Variants in VWA8 observed in about 807,000 individuals in gnomAD.
VWA8 encodes von Willebrand factor A domain containing 8, also known as von Willebrand factor A domain-containing protein 8.
In VWA8, 221 loss-of-function variants were observed where a neutral mutation model predicts 241.5. That is an observed-to-expected ratio of 0.91 (90% CI 0.82 to 1.02). The LOEUF (loss-of-function observed/expected upper bound fraction) is 1.02. Among genes scored for constraint, VWA8 ranks in the 50% least tolerant of loss-of-function variants. VWA8 has a pLI of 0.00. For synonymous variants in VWA8, 852 were observed against 827.1 expected, an observed-to-expected ratio of 1.03 and a Z score of -0.52; for missense variants, 2,322 against 2,328.7, an observed-to-expected ratio of 1.00 and a Z score of 0.06.
intron 24 of VWA8, among the ~76,000 whole-genome samples, chr13:41,723,029 C>T (rs994887468): frequency 1.3e-5 from 2 of 152,170 alleles, no homozygotes; most frequent in African/African-American, 4.8e-5. Context: ...GACTACTGTG[C>T]TGTGAACACA....
rs1164382295 is a variant in VWA8 at position 41,671,248 on chromosome 13, C to G, written c.4410-101G>C. On this transcript the variant is annotated intron_variant, in intron 36 of 44. Transcript: ENST00000379310. ...TTCTTTACTGTTGAAAAAGTATGCTCACACTACTCATTATTTTATACCTGC... is the reference window on the plus strand; with the variant it reads ...TTCTTTACTGTTGAAAAAGTATGCTGACACTACTCATTATTTTATACCTGC... 6 of 1,257,228 alleles carry G rather than the reference C, an allele frequency of 4.8e-6. No homozygotes were observed. The Admixed American group carries it at 9.3e-5, about 19-fold the overall frequency. 77.9% of individuals were successfully genotyped at this position (1,257,228 alleles called of 1,614,324 possible). A position where few individuals can be genotyped will look rare whatever the true frequency, so the allele number is the denominator to read the frequency against.
At chr13:41,766,062 C>T (rs9566846) in intron 20 of VWA8, among the ~76,000 whole-genome samples, 8,947 of 152,144 alleles carry the variant, frequency 0.059, 334 homozygotes, top group East Asian at 0.11. Flanking sequence ...TGTGAAGCCC[C>T]ACAGACAGGA....
At chr13:41,593,708 T>C (rs1262092756) in intron 40 of VWA8, among the ~76,000 whole-genome samples, 1 of 152,218 alleles carries the variant, frequency 6.6e-6, no homozygotes, top group Non-Finnish European at 1.5e-5. Flanking sequence ...ATTGTACAAC[T>C]CTTGGAGGTA....
intron 44 of VWA8, among the ~76,000 whole-genome samples, chr13:41,569,289 A>G (rs2044284231): frequency 6.6e-6 from 1 of 152,256 alleles, no homozygotes; most frequent in South Asian, 2.1e-4. Flanking sequence ...CAAAATAGCC[A>G]TTTCATCTCA....
At chr13:41,774,020 GAA>G (rs1421796311) in intron 20 of VWA8, among the ~76,000 whole-genome samples, 11 of 151,998 alleles carry the variant, frequency 7.2e-5, no homozygotes, top group Non-Finnish European at 7.4e-5. Flanking sequence ...CAAGCTCAGA[GAA>G]AAAGACATTT....
At chr13:41,706,522 C>A (rs750091595) in intron 26 of VWA8, among the ~76,000 whole-genome samples, 9 of 152,092 alleles carry the variant, frequency 5.9e-5, no homozygotes, top group Admixed American at 1.3e-4. Flanking sequence ...AACCCAAGAC[C>A]CTCATTTATT....
intron 26 of VWA8, among the ~76,000 whole-genome samples, chr13:41,706,386 A>G (rs189133067): frequency 6.6e-5 from 10 of 152,330 alleles, no homozygotes; most frequent in Admixed American, 5.9e-4. Context: ...ACTAAACTGA[A>G]AGACACATAA....
At chr13:41,869,828 A>C (rs1441743729) in intron 9 of VWA8, among the ~76,000 whole-genome samples, 1 of 152,066 alleles carries the variant, frequency 6.6e-6, no homozygotes, top group African/African-American at 2.4e-5. Context: ...TTATAACAGC[A>C]TGCTCAATAT....
In VWA8 at chr13:41,912,038, C is replaced by T; in HGVS notation, c.372G>A (p.Leu124=). 2 of 1,574,112 alleles carry T rather than the reference C, an allele frequency of 1.3e-6. No homozygotes were observed. Among genetic ancestry groups the T allele is most frequent in the Non-Finnish European group, 8.6e-7 (1 of 1,159,030 alleles). ...PLRRSIAMQY[L]ELTKREVEYI... is the part of the protein sequence containing the mutation. ...AAATTGACAAGAATTAACTGCTCAC[C>T]AAGTACTGCATAGCAATAGAGCGTC... is the stretch of plus-strand genomic sequence containing the variant. The change falls in exon 3 of 45, where the codon TTG becomes TTA. Residue 124 remains leucine (L), a splice_region_variant and synonymous_variant. Transcript: ENST00000379310.
chr13:41,711,942 C>CTTT (rs58734034), intron 26 of VWA8, among the ~76,000 whole-genome samples: 74 of 146,270 alleles, frequency 5.1e-4, no homozygotes, highest in African/African-American at 1.8e-3. Flanking sequence ...AATGCAAACA[C>CTTT]TTTTTTTTTT....
At chr13:41,775,597 C>T (rs1053079180) in intron 20 of VWA8, among the ~76,000 whole-genome samples, 10 of 152,146 alleles carry the variant, frequency 6.6e-5, no homozygotes, top group Non-Finnish European at 2.9e-5. Flanking sequence ...GCTTGACCAT[C>T]CTTATCAGAT....
chr13:41,851,754 A>T (rs1372029443), intron 12 of VWA8, among the ~76,000 whole-genome samples: 1 of 152,138 alleles, frequency 6.6e-6, no homozygotes, highest in African/African-American at 2.4e-5. Flanking sequence ...AAAATGGATT[A>T]ATACAGACGG....
At chr13:41,805,155 T>C (rs992891715) in intron 17 of VWA8, among the ~76,000 whole-genome samples, 2 of 152,102 alleles carry the variant, frequency 1.3e-5, no homozygotes, top group African/African-American at 4.8e-5. Context: ...TGATCTGTTG[T>C]CTTCAAGAAA....
At chr13:41,864,918 G>A (rs1873216285) in intron 12 of VWA8, among the ~76,000 whole-genome samples, 1 of 150,974 alleles carries the variant, frequency 6.6e-6, no homozygotes, top group Non-Finnish European at 1.5e-5. Flanking sequence ...AACCCGGGGT[G>A]GGCAGAGGTT....
chr13:41,899,016 A>G lies in VWA8; in HGVS notation c.484-7429T>C, dbSNP rs149298441. 6.2e-3 allele frequency among the ~76,000 whole-genome samples: 939 copies of G among 152,310 alleles called. 6 individuals are homozygous for G. The highest frequency in any genetic ancestry group is 0.021 in the African/African-American group (893 of 41,568). On this transcript the variant is annotated intron_variant, in intron 4 of 44. Coordinates refer to ENST00000379310, the MANE Select transcript of VWA8 (RefSeq NM_015058.2). ...CCGGCTCTGGCCTTGGCCAGCCCAGAAAGGGGCTCCCACAGTGCAGCGGTG... is the reference window on the plus strand; with the variant it reads ...CCGGCTCTGGCCTTGGCCAGCCCAGGAAGGGGCTCCCACAGTGCAGCGGTG...
At chr13:41,618,538 G>A (rs1190695622) in intron 37 of VWA8, among the ~76,000 whole-genome samples, 2 of 151,916 alleles carry the variant, frequency 1.3e-5, no homozygotes, top group Non-Finnish European at 1.5e-5. Context: ...TTTCGTCATG[G>A]AGTCCTTGCT....
intron 12 of VWA8, among the ~76,000 whole-genome samples, chr13:41,849,852 A>G (rs1872455107): frequency 6.6e-6 from 1 of 151,798 alleles, no homozygotes; most frequent in South Asian, 2.1e-4. Flanking sequence ...GCGCCACTGT[A>G]CTACAGCCTG....
intron 3 of VWA8, among the ~76,000 whole-genome samples, chr13:41,910,060 T>C (rs1175917987): frequency 3.3e-5 from 5 of 152,192 alleles, no homozygotes; most frequent in Non-Finnish European, 5.9e-5. Flanking sequence ...CCACAGCCTA[T>C]GGTTGCCTCA....
intron 21 of VWA8, among the ~76,000 whole-genome samples, chr13:41,751,360 G>A (rs373806489): frequency 6.6e-6 from 1 of 152,294 alleles, no homozygotes; most frequent in South Asian, 2.1e-4. Context: ...TTATAATGGG[G>A]AAGATGAGAA....
Sources: allele counts gnomAD v4.1 joint callset (sites outside exome capture counted in the v4.1 genomes callset), GRCh38; gene constraint gnomAD v4.1.1; transcripts MANE v1.5; gene names NCBI Gene and HGNC (gene_info 2026-07-23, HGNC 2026-07-21).